Variants in ATP8A2 observed in about 807,000 individuals in gnomAD.
ATP8A2 encodes the protein phospholipid-transporting ATPase IB.
Under a neutral mutation model 165.6 loss-of-function variants are expected in ATP8A2, and 100 were observed. The ratio of observed to expected loss-of-function variants is 0.60; its 90% CI spans 0.51 to 0.71. The LOEUF is 0.71. Ranked by LOEUF, ATP8A2 falls within the 30% of genes least tolerant of loss-of-function variation. ATP8A2 has a pLI of 0.00. For synonymous variants in ATP8A2, 543 were observed against 548.8 expected (o/e 0.99, Z 0.15); for missense variants, 1,227 against 1,479.5 (o/e 0.83, Z 2.80).
chr13:25,772,494 C>G (rs1398109857), intron 26 of ATP8A2, among the ~76,000 whole-genome samples: 1 of 151,930 alleles, frequency 6.6e-6, no homozygotes, highest in Admixed American at 6.6e-5. Flanking sequence ...TTTTATTTTT[C>G]CATGTGCACC....
intron 35 of ATP8A2, among the ~76,000 whole-genome samples, chr13:26,003,370 A>G (rs202004881): frequency 6.8e-6 from 1 of 148,122 alleles, no homozygotes; most frequent in Non-Finnish European, 1.5e-5. Context: ...TTTTTTTTTT[A>G]ATTGAGCTAT....
intron 33 of ATP8A2, chr13:25,868,087 C>T (rs1024249184): frequency 6.6e-6 from 3 of 455,834 alleles, no homozygotes; most frequent in Non-Finnish European, 1.3e-5. Flanking sequence ...CCAAGGAATC[C>T]TCTCTTCACC....
chr13:25,927,910 A>G (rs1447427809), intron 33 of ATP8A2, among the ~76,000 whole-genome samples: 1 of 152,254 alleles, frequency 6.6e-6, no homozygotes, highest in Non-Finnish European at 1.5e-5. Flanking sequence ...AACATTTTAC[A>G]TTGCCGAAGA....
intron 33 of ATP8A2, among the ~76,000 whole-genome samples, chr13:25,915,436 G>A (rs1954242957): frequency 6.6e-6 from 1 of 152,236 alleles, no homozygotes. Context: ...ACCAAGACAA[G>A]AAGCAATAAA....
chr13:25,992,568 A>C (rs113223288), intron 35 of ATP8A2, among the ~76,000 whole-genome samples: 2,719 of 152,224 alleles, frequency 0.018, 84 homozygotes, highest in African/African-American at 0.062. Context: ...GTGAAGTCCA[A>C]ATATCAATTT....
At position 25,372,961 on chromosome 13, in the gene ATP8A2, C is replaced by G. The variant is rs1566086379; in HGVS notation, c.76+673C>G. Among the ~76,000 whole-genome samples the G allele has an allele frequency of 6.6e-6, 1 of 152,218 alleles. No homozygotes were observed. The highest frequency in any genetic ancestry group is 2.4e-5 in the African/African-American group (1 of 41,462). On this transcript the variant is annotated intron_variant, in intron 1 of 36. Transcript: ENST00000381655. The surrounding 1 kb of genome is among the most constrained non-coding windows in gnomAD (Gnocchi z 4.8). Reference sequence around the variant, plus strand: ...GCCTGCAGGCGCCTGGGTGTTGGAACTCGAAACCTAAAGCCAAACACGCAT... The same window carrying G: ...GCCTGCAGGCGCCTGGGTGTTGGAAGTCGAAACCTAAAGCCAAACACGCAT...
chr13:25,641,766 A>G (rs1335645229), intron 24 of ATP8A2, among the ~76,000 whole-genome samples: 22 of 151,996 alleles, frequency 1.4e-4, no homozygotes, highest in Non-Finnish European at 2.5e-4. Context: ...TAAAGTTCAT[A>G]TGGAACCAAA....
At chr13:25,830,437 ACT>A (rs1330934570) in intron 28 of ATP8A2, among the ~76,000 whole-genome samples, 1 of 152,156 alleles carries the variant, frequency 6.6e-6, no homozygotes, top group African/African-American at 2.4e-5. Flanking sequence ...CTAGGTTACC[ACT>A]GAGTCCACAG....
intron 24 of ATP8A2, among the ~76,000 whole-genome samples, chr13:25,695,615 T>C (rs1158923928): frequency 1.3e-5 from 2 of 152,240 alleles, no homozygotes; most frequent in African/African-American, 4.8e-5. Context: ...GTTCACGGCG[T>C]GTTCACCAGG....
At chr13:25,931,817 CGGGCGTT>C (rs1368838653) in intron 33 of ATP8A2, among the ~76,000 whole-genome samples, 1 of 151,970 alleles carries the variant, frequency 6.6e-6, no homozygotes, top group African/African-American at 2.4e-5. Flanking sequence ...GAGGCCGAGG[CGGGCGTT>C]TCACCTGAAG....
chr13:25,435,834 A>G (rs1483028818), intron 1 of ATP8A2, among the ~76,000 whole-genome samples: 2 of 152,096 alleles, frequency 1.3e-5, no homozygotes, highest in African/African-American at 4.8e-5. Context: ...AATCTTATTT[A>G]TGCTTCCCCT....
intron 2 of ATP8A2, among the ~76,000 whole-genome samples, chr13:25,484,387 A>G (rs1239528911): frequency 1.3e-5 from 2 of 152,016 alleles, no homozygotes; most frequent in African/African-American, 2.4e-5. Flanking sequence ...GGGACCATCA[A>G]CTTTTTGGCT....
intron 1 of ATP8A2, among the ~76,000 whole-genome samples, chr13:25,393,746 T>C (rs1272688308): frequency 6.6e-6 from 1 of 152,208 alleles, no homozygotes; most frequent in Non-Finnish European, 1.5e-5. Context: ...CTCCTCTATA[T>C]AACTTACAGC....
chr13:25,901,308 G>A (rs1953740781), intron 33 of ATP8A2, among the ~76,000 whole-genome samples: 1 of 151,938 alleles, frequency 6.6e-6, no homozygotes, highest in Admixed American at 6.6e-5. Flanking sequence ...GCGAAAAAAG[G>A]AAAATGGACT....
chr13:25,570,092 A>T (rs1403306171), intron 16 of ATP8A2, among the ~76,000 whole-genome samples: 2 of 152,222 alleles, frequency 1.3e-5, no homozygotes, highest in East Asian at 3.9e-4. Context: ...AATTTTATTA[A>T]ATACATATCC....
chr13:25,472,350 C>T (rs1417003448), intron 2 of ATP8A2, among the ~76,000 whole-genome samples: 2 of 148,762 alleles, frequency 1.3e-5, no homozygotes, highest in African/African-American at 5.0e-5. Context: ...GCCCAAATCA[C>T]ACCACTGCAC....
intron 33 of ATP8A2, among the ~76,000 whole-genome samples, chr13:25,919,782 T>C (rs1441550908): frequency 2.0e-5 from 3 of 152,192 alleles, no homozygotes; most frequent in Non-Finnish European, 4.4e-5. Flanking sequence ...GGAGATTTTC[T>C]TGAGACAGAG....
chr13:25,604,445 C>T (rs188073273), intron 24 of ATP8A2, among the ~76,000 whole-genome samples: 10 of 152,122 alleles, frequency 6.6e-5, no homozygotes, highest in Non-Finnish European at 1.0e-4. Context: ...TTTGCTGAAA[C>T]TTCTTGTAGG....
At chr13:25,544,496 G>A (rs1204377784) in intron 10 of ATP8A2, among the ~76,000 whole-genome samples, 3 of 152,198 alleles carry the variant, frequency 2.0e-5, no homozygotes, top group African/African-American at 7.2e-5. Flanking sequence ...ACACATTGGA[G>A]ACAGGGAGGA....
Sources: gnomAD v4.1 joint callset for allele counts (sites outside exome capture counted in the v4.1 genomes callset) on GRCh38, gnomAD v4.1.1 for gene constraint, Gnocchi (gnomAD v3.1) non-coding constraint, MANE v1.5 for transcripts, NCBI Gene and HGNC (gene_info 2026-07-23, HGNC 2026-07-21) for gene names.